DOCK9: variants seen among roughly 807,000 people sequenced by gnomAD.
DOCK9 encodes the protein dedicator of cytokinesis 9.
In DOCK9, 89 loss-of-function variants were observed where a neutral mutation model predicts 263.3. The ratio of observed to expected loss-of-function variants is 0.34; its 90% CI spans 0.28 to 0.40. The LOEUF is 0.40. DOCK9 is among the 10% of genes least tolerant of loss of function. The probability of loss-of-function intolerance (pLI) is 1.00; values close to 1 mark genes in which losing one functional copy is unlikely to be tolerated. For missense variants in DOCK9, 2,140 were observed against 2,603.4 expected, an observed-to-expected ratio of 0.82 and a Z score of 3.87; for synonymous variants, 976 against 973.1, an observed-to-expected ratio of 1.00 and a Z score of -0.06.
At chr13:99,020,224 G>GT (rs1885920992) in intron 1 of DOCK9, among the ~76,000 whole-genome samples, 1 of 152,198 alleles carries the variant, frequency 6.6e-6, no homozygotes, top group South Asian at 2.1e-4. Context: ...CTAGAAATAT[G>GT]TAAGTACCTA....
chr13:98,973,597 G>T (rs1301454532), intron 1 of DOCK9, among the ~76,000 whole-genome samples: 1 of 152,104 alleles, frequency 6.6e-6, no homozygotes, highest in Admixed American at 6.5e-5. Context: ...TCTCTGAAAA[G>T]AAACTTTTAT....
At chr13:98,983,254 T>G (rs1421331811) in intron 1 of DOCK9, among the ~76,000 whole-genome samples, 1 of 152,064 alleles carries the variant, frequency 6.6e-6, no homozygotes, top group African/African-American at 2.4e-5. Flanking sequence ...TAAGAAAAAA[T>G]GCAAAAGAAA....
chr13:98,848,636 G>A lies in DOCK9; in HGVS notation c.4017C>T (p.Val1339=). Residue 1339 remains valine (V), a synonymous_variant, in exon 37 of 53, where the codon GTC becomes GTT. Transcript: ENST00000682017. ...CCATGTACTGGAACTGGTGCAGGCAGACTCTGCAGGCAAGATGAAAAATTA... is the reference window on the plus strand; with the variant it reads ...CCATGTACTGGAACTGGTGCAGGCAAACTCTGCAGGCAAGATGAAAAATTA... ...ELMDFFTISE[V]CLHQFQYMGK... The A allele has an allele frequency of 6.2e-7, 1 of 1,612,166 alleles. No individual in the cohort carries two copies.
In DOCK9 at chr13:98,977,983, C is replaced by G; in HGVS notation, c.-74G>C. ...AGTCCCTGGCCGTGCAAGGCACAGG[C>G]ATGCCAGTGGTCCAAGGAAGGAAAG... On this transcript the variant is annotated 5_prime_UTR_variant, in exon 1 of 53. An upstream start codon of the reference 5' UTR is lost. Transcript: ENST00000682017. 1 of 1,502,016 alleles carries G rather than the reference C, an allele frequency of 6.7e-7. No individual in the cohort carries two copies. The highest frequency in any genetic ancestry group is 8.9e-7 in the Non-Finnish European group (1 of 1,124,708). The allele number at this position is 1,502,016 out of a possible 1,614,324, so 93.0% of individuals were successfully genotyped here. A position where few individuals can be genotyped will look rare whatever the true frequency, so the allele number is the denominator to read the frequency against.
At chr13:99,029,702 G>T (rs527749607) in intron 1 of DOCK9, among the ~76,000 whole-genome samples, 1 of 152,310 alleles carries the variant, frequency 6.6e-6, no homozygotes, top group Non-Finnish European at 1.5e-5. Flanking sequence ...AGGATGTAGA[G>T]TAAGTGAAAC....
At chr13:98,968,596 G>T (rs1193317304) in intron 1 of DOCK9, among the ~76,000 whole-genome samples, 1 of 152,102 alleles carries the variant, frequency 6.6e-6, no homozygotes, top group Non-Finnish European at 1.5e-5. Context: ...CTGCAGCCTG[G>T]GTGACAGAGC....
chr13:98,828,024 T>C (rs1176110196), intron 43 of DOCK9, among the ~76,000 whole-genome samples: 1 of 152,066 alleles, frequency 6.6e-6, no homozygotes, highest in Non-Finnish European at 1.5e-5. Context: ...AAATTCAACA[T>C]TACTGGTGTC....
intron 10 of DOCK9, among the ~76,000 whole-genome samples, chr13:98,903,805 GA>G (rs1456387579): frequency 5.9e-5 from 9 of 152,122 alleles, no homozygotes; most frequent in Admixed American, 5.9e-4. Flanking sequence ...TTCAGCCACA[GA>G]AAGGAAGGAA....
chr13:99,043,894 G>A (rs1157851218), intron 1 of DOCK9, among the ~76,000 whole-genome samples: 2 of 152,098 alleles, frequency 1.3e-5, no homozygotes, highest in African/African-American at 2.4e-5. Flanking sequence ...GACAATACTG[G>A]TGTGACCATC....
At chr13:99,026,770 T>A (rs961981026) in intron 1 of DOCK9, among the ~76,000 whole-genome samples, 4 of 152,212 alleles carry the variant, frequency 2.6e-5, no homozygotes, top group Admixed American at 2.0e-4. Context: ...ACAGGAGATA[T>A]GAAATTTTAT....
At chr13:99,062,455 A>G (rs1473780386) in intron 1 of DOCK9, among the ~76,000 whole-genome samples, 1 of 152,176 alleles carries the variant, frequency 6.6e-6, no homozygotes, top group Non-Finnish European at 1.5e-5. Context: ...ACAAGTTTTT[A>G]AATCACAAAA....
chr13:98,928,744 A>G (rs145697385), intron 3 of DOCK9, among the ~76,000 whole-genome samples: 25 of 152,200 alleles, frequency 1.6e-4, no homozygotes, highest in African/African-American at 5.1e-4. Flanking sequence ...TTACAATAAA[A>G]CTTTATTTAC....
At chr13:98,919,717 G>A (rs4444196) in intron 7 of DOCK9, among the ~76,000 whole-genome samples, 98,059 of 152,170 alleles carry the variant, frequency 0.64, 32,071 homozygotes, top group Middle Eastern at 0.77. Flanking sequence ...TTCTGAGATT[G>A]CTTGGGCAGC....
At chr13:98,887,322 C>T (rs1330847790) in intron 18 of DOCK9, among the ~76,000 whole-genome samples, 2 of 151,196 alleles carry the variant, frequency 1.3e-5, no homozygotes, top group Non-Finnish European at 2.9e-5. Flanking sequence ...TCACCTAAAA[C>T]ATATGGATAA....
chr13:99,005,212 G>A (rs1263457516), intron 1 of DOCK9, among the ~76,000 whole-genome samples: 2 of 152,138 alleles, frequency 1.3e-5, no homozygotes, highest in African/African-American at 4.8e-5. Context: ...TATTTACTGA[G>A]GAAACAAACC....
In DOCK9 at chr13:98,880,623, T is replaced by C; in HGVS notation, c.2795A>G (p.His932Arg). ...GGTCATGGATTTGGTCAGTTCTTCA[T>C]GCACTGTCTTGTATTCAGAGGCAAC... is the stretch of plus-strand genomic sequence containing the variant. Reference protein sequence around the residue: ...PYVASEYKTVHEELTKSMTTI... With the variant: ...PYVASEYKTVREELTKSMTTI... Residue 932 changes from histidine to arginine, a missense_variant, in exon 26 of 53, where the codon CAT becomes CGT. By Grantham distance (29) the His-to-Arg change is conservative (BLOSUM62 0). Coordinates refer to ENST00000682017, the MANE Select transcript of DOCK9 (RefSeq NM_001366683.2). 1 of 1,613,920 alleles carries C rather than the reference T, an allele frequency of 6.2e-7. No homozygotes were observed.
chr13:98,990,890 C>G (rs1380308707), intron 1 of DOCK9, among the ~76,000 whole-genome samples: 1 of 152,216 alleles, frequency 6.6e-6, no homozygotes, highest in Non-Finnish European at 1.5e-5. Flanking sequence ...GAATGCTCTC[C>G]TGTATTTACT....
intron 1 of DOCK9, among the ~76,000 whole-genome samples, chr13:98,975,224 C>T (rs796468495): frequency 7.2e-5 from 11 of 152,022 alleles, no homozygotes; most frequent in African/African-American, 2.7e-4. Context: ...ACTAAAAATA[C>T]AAAAATTAGC....
chr13:99,032,729 T>C (rs975744004), intron 1 of DOCK9, among the ~76,000 whole-genome samples: 1 of 152,190 alleles, frequency 6.6e-6, no homozygotes, highest in Admixed American at 6.5e-5. Flanking sequence ...AGCTTTCCAC[T>C]TGAAATACAA....
Sources: allele counts gnomAD v4.1 joint callset (sites outside exome capture counted in the v4.1 genomes callset), GRCh38; gene constraint gnomAD v4.1.1; transcripts MANE v1.5; gene names NCBI Gene and HGNC (gene_info 2026-07-23, HGNC 2026-07-21).